Variants in NBAS observed in about 807,000 individuals in gnomAD.
NBAS encodes the protein NBAS subunit of NRZ tethering complex, also known as NAG/BC035112 fusion.
Under a neutral mutation model 302.5 loss-of-function variants are expected in NBAS, and 219 were observed. The ratio of observed to expected loss-of-function variants is 0.72; its 90% CI spans 0.65 to 0.81. The LOEUF is 0.81. Among genes scored for constraint, NBAS ranks in the 30% least tolerant of loss-of-function variants. The pLI is 0.00. For missense variants in NBAS, 2,932 were observed against 2,841.6 expected, an observed-to-expected ratio of 1.03 and a Z score of -0.72; for synonymous variants, 1,118 against 1,021.6, an observed-to-expected ratio of 1.09 and a Z score of -1.80.
the NBAS span, among the ~76,000 whole-genome samples, chr2:14,913,687 C>T: frequency 3.3e-5 from 5 of 152,120 alleles, no homozygotes; most frequent in African/African-American, 1.2e-4. Flanking sequence ...CAAAGGGCAT[C>T]AGGCAGGGGA....
the NBAS span, among the ~76,000 whole-genome samples, chr2:14,782,976 G>A: frequency 2.0e-5 from 3 of 152,092 alleles, no homozygotes; most frequent in African/African-American, 4.8e-5. Flanking sequence ...GGTGGGAGGA[G>A]GGAGAAGATC....
At chr2:14,779,807 A>G in the NBAS span, among the ~76,000 whole-genome samples, 1 of 152,138 alleles carries the variant, frequency 6.6e-6, no homozygotes, top group Non-Finnish European at 1.5e-5. Flanking sequence ...TCACTGCTAT[A>G]CCCCAGTGTC....
chr2:15,177,524 A>G (rs947725577), intron 51 of NBAS, among the ~76,000 whole-genome samples: 2 of 152,178 alleles, frequency 1.3e-5, no homozygotes, highest in Non-Finnish European at 1.5e-5. Flanking sequence ...AGAGAGCTCC[A>G]TTTATGATGA....
chr2:15,035,924 G>A, the NBAS span, among the ~76,000 whole-genome samples: 2 of 152,278 alleles, frequency 1.3e-5, no homozygotes, highest in South Asian at 4.2e-4. Flanking sequence ...TAGGTGATGG[G>A]TTAATAGGTG....
chr2:14,906,393 A>C, the NBAS span, among the ~76,000 whole-genome samples: 2 of 152,242 alleles, frequency 1.3e-5, no homozygotes, highest in Non-Finnish European at 2.9e-5. Flanking sequence ...GCCAGGATTC[A>C]CACTCACATC....
At chr2:15,161,858 G>A in the NBAS span, among the ~76,000 whole-genome samples, 1 of 152,172 alleles carries the variant, frequency 6.6e-6, no homozygotes, top group Non-Finnish European at 1.5e-5. Context: ...GAAAATTCAA[G>A]TGTCAAAAGA....
intron 44 of NBAS, among the ~76,000 whole-genome samples, chr2:15,259,886 T>G (rs1668771101): frequency 6.6e-6 from 1 of 152,232 alleles, no homozygotes; most frequent in South Asian, 2.1e-4. Context: ...TATGCTGGGC[T>G]CTCTTCCCTC....
chr2:14,891,402 C>T, the NBAS span, among the ~76,000 whole-genome samples: 2 of 151,926 alleles, frequency 1.3e-5, no homozygotes, highest in Non-Finnish European at 2.9e-5. Context: ...TCTAATATTT[C>T]CCTACACATA....
At chr2:15,251,267 T>A (rs553027941) in intron 44 of NBAS, among the ~76,000 whole-genome samples, 2 of 152,020 alleles carry the variant, frequency 1.3e-5, no homozygotes, top group South Asian at 4.2e-4. Context: ...TGAGAACACA[T>A]GGACACAGGG....
chr2:14,781,523 T>C, the NBAS span, among the ~76,000 whole-genome samples: 1 of 152,038 alleles, frequency 6.6e-6, no homozygotes, highest in African/African-American at 2.4e-5. Context: ...TCATTTCTTT[T>C]CTGAAAATGG....
At chr2:15,193,763 CAAA>C (rs1413365258) in intron 48 of NBAS, among the ~76,000 whole-genome samples, 1 of 151,900 alleles carries the variant, frequency 6.6e-6, no homozygotes. Flanking sequence ...TTCAAAAATT[CAAA>C]ATGAATTTTT....
the NBAS span, among the ~76,000 whole-genome samples, chr2:14,907,255 C>T: frequency 6.6e-6 from 1 of 152,208 alleles, no homozygotes; most frequent in African/African-American, 2.4e-5. Context: ...TCCTGCTCCA[C>T]CACAGAGGCT....
chr2:15,440,989 A>G (rs1212109172), intron 21 of NBAS, among the ~76,000 whole-genome samples: 5 of 152,208 alleles, frequency 3.3e-5, no homozygotes, highest in Admixed American at 6.5e-5. Context: ...AAAGCCTCCA[A>G]GAAATATGGG....
At chr2:15,164,746 C>T (rs1281240989), downstream of NBAS, among the ~76,000 whole-genome samples, 1 of 152,236 alleles carries the variant, frequency 6.6e-6, no homozygotes, top group Non-Finnish European at 1.5e-5. Context: ...AATACCAGCA[C>T]AAAGAGGAAC....
intron 19 of NBAS, among the ~76,000 whole-genome samples, chr2:15,464,657 ACTT>A (rs1558363974): frequency 6.6e-6 from 1 of 151,962 alleles, no homozygotes; most frequent in Non-Finnish European, 1.5e-5. Context: ...TCACAGTAAA[ACTT>A]CTTGAAAGGG....
chr2:14,781,531 T>C, the NBAS span, among the ~76,000 whole-genome samples: 1 of 150,960 alleles, frequency 6.6e-6, no homozygotes, highest in Non-Finnish European at 1.5e-5. Flanking sequence ...TTTCTGAAAA[T>C]GGCAGAGGAC....
intron 50 of NBAS, among the ~76,000 whole-genome samples, chr2:15,185,679 G>A (rs539189664): frequency 6.6e-6 from 1 of 152,114 alleles, no homozygotes; most frequent in African/African-American, 2.4e-5. Flanking sequence ...ACTAGAGTAA[G>A]GGGAGGTAAT....
intron 16 of NBAS, among the ~76,000 whole-genome samples, chr2:15,472,401 G>A (rs1350095653): frequency 6.6e-6 from 1 of 152,144 alleles, no homozygotes; most frequent in Non-Finnish European, 1.5e-5. Context: ...GCACCTGAGA[G>A]GGAAGCTTCC....
At chr2:15,315,079 T>C (rs1032135688) in intron 38 of NBAS, among the ~76,000 whole-genome samples, 2 of 151,800 alleles carry the variant, frequency 1.3e-5, no homozygotes, top group Non-Finnish European at 2.9e-5. Context: ...TTGACAGGAG[T>C]GAGGGTTACA....
Sources: allele counts gnomAD v4.1 joint callset (sites outside exome capture counted in the v4.1 genomes callset), GRCh38; gene constraint gnomAD v4.1.1; transcripts MANE v1.5; gene names NCBI Gene and HGNC (gene_info 2026-07-23, HGNC 2026-07-21).